Variants in YEATS2 observed in about 807,000 individuals in gnomAD.
YEATS2 encodes the protein YEATS domain containing 2.
A neutral mutation model predicts 163.2 loss-of-function variants in YEATS2; 77 were observed. The ratio of observed to expected loss-of-function variants is 0.47; its 90% CI spans 0.39 to 0.57. The LOEUF (loss-of-function observed/expected upper bound fraction) is 0.57. YEATS2 is among the 20% of genes least tolerant of loss of function. YEATS2 has a pLI of 0.00. For missense variants in YEATS2, 1,549 were observed against 1,729.8 expected, an observed-to-expected ratio of 0.90 and a Z score of 1.85; for synonymous variants, 631 against 645.1, an observed-to-expected ratio of 0.98 and a Z score of 0.33.
chr3:183,756,696 A>G lies in YEATS2; in HGVS notation c.1552+7A>G. On this transcript the variant is annotated splice_region_variant and intron_variant, in intron 12 of 30. Coordinates refer to ENST00000305135, the MANE Select transcript of YEATS2 (RefSeq NM_018023.5). ...GCCACCACTCCCAGTACAGGTGTGT[A>G]TTAGATCCATATTTGTACCATCTAA... is the stretch of plus-strand genomic sequence containing the variant. The G allele has an allele frequency of 1.3e-6, 2 of 1,515,836 alleles. No individual in the cohort carries two copies. The highest frequency in any genetic ancestry group is 1.4e-5 in the South Asian group (1 of 73,296). 93.9% of individuals were successfully genotyped at this position (1,515,836 alleles called of 1,614,324 possible).
chr3:183,732,811 G>A (rs1252267629), intron 7 of YEATS2, among the ~76,000 whole-genome samples: 1 of 152,032 alleles, frequency 6.6e-6, no homozygotes, highest in Non-Finnish European at 1.5e-5. Flanking sequence ...TGCCCACCTC[G>A]GCCTCCCAAA....
intron 4 of YEATS2, among the ~76,000 whole-genome samples, chr3:183,721,348 A>G (rs1277443651): frequency 2.0e-5 from 3 of 152,218 alleles, no homozygotes; most frequent in East Asian, 3.8e-4. Flanking sequence ...TTATCACATA[A>G]TAACAGAATA....
chr3:183,790,486 C>T (rs1724513699), intron 20 of YEATS2, among the ~76,000 whole-genome samples: 1 of 152,010 alleles, frequency 6.6e-6, no homozygotes, highest in Admixed American at 6.6e-5. Context: ...AGAATATGTC[C>T]TCCTAGTTTT....
rs1425963265 is a variant in YEATS2, at chr3:183,752,078, G to T, written c.975G>T (p.Val325=). The change falls in exon 10 of 31, where the codon GTG becomes GTT. Residue 325 remains valine, a synonymous_variant. Transcript: ENST00000305135. ...GLQTLGAETV[V]DVELHRHSLG... is the part of the protein sequence containing the mutation. Reference sequence around the variant, plus strand: ...ATTGTTGCCCAATTGTCTAGGTAGTGGATGTTGAACTCCATCGCCATTCTC... The same window carrying T: ...ATTGTTGCCCAATTGTCTAGGTAGTTGATGTTGAACTCCATCGCCATTCTC... 3 of 1,613,850 alleles carry T rather than the reference G, an allele frequency of 1.9e-6. No homozygotes were observed. Among genetic ancestry groups the T allele is most frequent in the Non-Finnish European group, 2.5e-6 (3 of 1,180,006 alleles).
intron 1 of YEATS2, among the ~76,000 whole-genome samples, chr3:183,698,347 G>A (rs1203303522): frequency 6.6e-6 from 1 of 152,178 alleles, no homozygotes; most frequent in Non-Finnish European, 1.5e-5. Flanking sequence ...AGAAAGTCGT[G>A]GGTTTACCGA....
At position 183,752,262 on chromosome 3, in the gene YEATS2, G is replaced by A. The variant is rs1445849319; in HGVS notation, c.1150+9G>A. 4 of 1,614,078 alleles carry A rather than the reference G, an allele frequency of 2.5e-6. No individual in the cohort carries two copies. The highest frequency in any genetic ancestry group is 2.5e-6 in the Non-Finnish European group (3 of 1,179,958). Reference sequence around the variant, plus strand: ...TACCTCTGTGGAGAAAGGTAATACAGCAGTTTTCCTTGCATAGCGTTGTTC... The same window carrying A: ...TACCTCTGTGGAGAAAGGTAATACAACAGTTTTCCTTGCATAGCGTTGTTC... On this transcript the variant is annotated intron_variant, in intron 10 of 30. Transcript: ENST00000305135.
At chr3:183,803,390 AAC>A in intron 26 of YEATS2, 55 bp downstream of exon 26, 1 of 1,480,536 alleles carries the variant, frequency 6.8e-7, no homozygotes, top group Non-Finnish European at 9.3e-7. Flanking sequence ...TGTCTTATGG[AAC>A]AGGGATAAGA....
At chr3:183,706,889 T>A (rs2108982027) in intron 1 of YEATS2, among the ~76,000 whole-genome samples, 1 of 152,290 alleles carries the variant, frequency 6.6e-6, no homozygotes, top group South Asian at 2.1e-4. Context: ...ATCTGAAACT[T>A]CTTAAGCACC....
chr3:183,717,878 T>TTA, intron 3 of YEATS2, 130 bp downstream of exon 3: 2 of 420,028 alleles, frequency 4.8e-6, no homozygotes, highest in East Asian at 3.9e-5. Context: ...TTTTTTTTTT[T>TTA]AAATAGCTTT....
intron 9 of YEATS2, among the ~76,000 whole-genome samples, chr3:183,749,701 A>G (rs1719957310): frequency 6.6e-6 from 1 of 152,188 alleles, no homozygotes; most frequent in South Asian, 2.1e-4. Flanking sequence ...GAGTGCAATC[A>G]CGGCTCACTG....
chr3:183,786,052 G>C, intron 19 of YEATS2, 73 bp from the exon 20 acceptor site: 3 of 1,516,268 alleles, frequency 2.0e-6, no homozygotes, highest in Non-Finnish European at 2.7e-6. Flanking sequence ...GCGTATCTCA[G>C]CTGTCAGTAA....
chr3:183,788,789 A>ATCC (rs763115160), intron 20 of YEATS2, among the ~76,000 whole-genome samples: 1 of 152,304 alleles, frequency 6.6e-6, no homozygotes, highest in Non-Finnish European at 1.5e-5. Context: ...CCCTCTTCAC[A>ATCC]TCCTCGCCAG....
At chr3:183,750,256 G>C (rs1399257747) in intron 9 of YEATS2, among the ~76,000 whole-genome samples, 1 of 152,174 alleles carries the variant, frequency 6.6e-6, no homozygotes, top group Admixed American at 6.6e-5. Flanking sequence ...ATTGTGCCCC[G>C]CCCCTCTTCC....
intron 1 of YEATS2, among the ~76,000 whole-genome samples, chr3:183,701,336 C>T (rs1714067928): frequency 6.6e-6 from 1 of 151,834 alleles, no homozygotes. Flanking sequence ...ATCTGCCTGC[C>T]TTGGCCTCCC....
chr3:183,706,199 C>T (rs992000349), intron 1 of YEATS2, among the ~76,000 whole-genome samples: 2 of 151,840 alleles, frequency 1.3e-5, no homozygotes, highest in Non-Finnish European at 2.9e-5. Context: ...TTAAGCTAAC[C>T]TAAGAAAAGA....
chr3:183,795,346 G>A (rs1210790702), intron 21 of YEATS2, among the ~76,000 whole-genome samples: 2 of 151,702 alleles, frequency 1.3e-5, no homozygotes, highest in Non-Finnish European at 2.9e-5. Flanking sequence ...GGAGTGCAGG[G>A]GCATGATCAT....
At chr3:183,719,735 G>A (rs564123507) in intron 4 of YEATS2, among the ~76,000 whole-genome samples, 92 of 152,050 alleles carry the variant, frequency 6.1e-4, no homozygotes, top group Non-Finnish European at 1.2e-3. Context: ...CTATTCACAA[G>A]CACGATCATA....
At chr3:183,756,033 A>G (rs1362935048) in intron 11 of YEATS2, among the ~76,000 whole-genome samples, 1 of 152,148 alleles carries the variant, frequency 6.6e-6, no homozygotes, top group Admixed American at 6.5e-5. Flanking sequence ...GGCACGAGCC[A>G]CTGCACCTGG....
Position 183,762,133 on chromosome 3 carries a change from G to T in YEATS2, c.1801G>T (p.Val601Leu), listed in dbSNP as rs367957694. The T allele has an allele frequency of 6.2e-7, 1 of 1,614,098 alleles. No individual in the cohort carries two copies. The highest frequency in any genetic ancestry group is 1.1e-5 in the South Asian group (1 of 91,082). ...ACAGGAACCTGGTGAAGCCCCTCAC[G>T]TGCCCGCAACAGGAGCTGCCAGCCA... is the stretch of plus-strand genomic sequence containing the variant. Reference protein sequence around the residue: ...IKQEPGEAPHVPATGAASQSP... With the variant: ...IKQEPGEAPHLPATGAASQSP... Residue 601 changes from valine to leucine, a missense_variant, in exon 15 of 31, where the codon GTG becomes TTG. Transcript: ENST00000305135.
Sources: allele counts gnomAD v4.1 joint callset (sites outside exome capture counted in the v4.1 genomes callset), GRCh38; gene constraint gnomAD v4.1.1; transcripts MANE v1.5; gene names NCBI Gene and HGNC (gene_info 2026-07-23, HGNC 2026-07-21).